YTHDF3: variants seen among roughly 807,000 people sequenced by gnomAD.
YTHDF3 encodes YTH domain-containing family protein 3.
A neutral mutation model predicts 52.5 loss-of-function variants in YTHDF3; 9 were observed. The observed-to-expected ratio is 0.17, with a 90% CI of 0.10 to 0.30. YTHDF3 has a LOEUF of 0.30. Among genes scored for constraint, YTHDF3 ranks in the 10% least tolerant of loss-of-function variants. The pLI is 1.00. For missense variants in YTHDF3, 534 were observed against 715.0 expected (o/e 0.75, Z 2.89); for synonymous variants, 274 against 243.3 (o/e 1.13, Z -1.18).
chr8:63,193,216 A>G (rs930556779), intron 4 of YTHDF3, among the ~76,000 whole-genome samples: 2 of 151,934 alleles, frequency 1.3e-5, no homozygotes, highest in African/African-American at 2.4e-5. Flanking sequence ...TGTCTCTACT[A>G]AAAATACAAA....
At chr8:63,171,245 T>C (rs1807302969) in intron 2 of YTHDF3, among the ~76,000 whole-genome samples, 1 of 152,116 alleles carries the variant, frequency 6.6e-6, no homozygotes, top group Non-Finnish European at 1.5e-5. Flanking sequence ...TGAAAACATT[T>C]TACCTGTCTG....
At chr8:63,181,689 A>G (rs1287838407) in intron 3 of YTHDF3, among the ~76,000 whole-genome samples, 1 of 152,170 alleles carries the variant, frequency 6.6e-6, no homozygotes, top group Non-Finnish European at 1.5e-5. Context: ...CTATCACATT[A>G]TAGGGTAAAT....
chr8:63,175,437 A>C, intron 3 of YTHDF3, 21 bp downstream of exon 3: 1 of 1,576,718 alleles, frequency 6.3e-7, no homozygotes, highest in Non-Finnish European at 8.7e-7. Flanking sequence ...TGACAGTTTC[A>C]GATTTTAGGA....
intron 4 of YTHDF3, among the ~76,000 whole-genome samples, chr8:63,192,965 T>A (rs1462943778): frequency 6.6e-6 from 1 of 152,066 alleles, no homozygotes; most frequent in Non-Finnish European, 1.5e-5. Flanking sequence ...CTTGGAAACC[T>A]TGGGTAAAGG....
At chr8:63,173,602 A>C (rs1171334184) in intron 2 of YTHDF3, 11 of 975,846 alleles carry the variant, frequency 1.1e-5, no homozygotes, top group Non-Finnish European at 1.2e-5. Context: ...AATAGTGAAG[A>C]ATTTTTTTTC....
At chr8:63,192,807 T>C (rs1488854593) in intron 4 of YTHDF3, among the ~76,000 whole-genome samples, 1 of 149,962 alleles carries the variant, frequency 6.7e-6, no homozygotes, top group Non-Finnish European at 1.5e-5. Context: ...TTTTCTTTAC[T>C]ACTTATGCCT....
Position 63,187,211 on chromosome 8 carries a change from C to T in YTHDF3, c.1200C>T (p.Ala400=). ...ATCCCGTGCTGGAAAAGCTAAAGGC[C>T]ATAAACAACTATAATCCCAAAGACT... is the stretch of plus-strand genomic sequence containing the variant. ...EVHPVLEKLK[A]INNYNPKDFD... Residue 400 remains alanine (A), a synonymous_variant, in exon 4 of 5, where the codon GCC becomes GCT. Transcript: ENST00000539294. 1 of 1,613,970 alleles carries T rather than the reference C, an allele frequency of 6.2e-7. No homozygotes were observed.
At chr8:63,198,943 A>T (rs1173859446) in intron 4 of YTHDF3, among the ~76,000 whole-genome samples, 1 of 152,212 alleles carries the variant, frequency 6.6e-6, no homozygotes, top group Non-Finnish European at 1.5e-5. Context: ...TTGATACAAT[A>T]AACTTTTATG....
At chr8:63,209,017 G>A (rs539224159) in intron 4 of YTHDF3, among the ~76,000 whole-genome samples, 4 of 151,998 alleles carry the variant, frequency 2.6e-5, no homozygotes, top group Non-Finnish European at 4.4e-5. Context: ...ACAGGCACCC[G>A]CCACCACGCC....
chr8:63,194,528 G>A (rs762912618), intron 4 of YTHDF3, among the ~76,000 whole-genome samples: 3 of 152,012 alleles, frequency 2.0e-5, no homozygotes, highest in Non-Finnish European at 2.9e-5. Flanking sequence ...AATTTTGGGG[G>A]GAATAAGAAT....
At chr8:63,175,900 C>T (rs747332775) in intron 3 of YTHDF3, among the ~76,000 whole-genome samples, 2 of 152,122 alleles carry the variant, frequency 1.3e-5, no homozygotes, top group Non-Finnish European at 2.9e-5. Flanking sequence ...AAAATTTTAA[C>T]ATACCTTGGT....
At chr8:63,192,148 T>C (rs943673754) in intron 4 of YTHDF3, among the ~76,000 whole-genome samples, 2 of 152,210 alleles carry the variant, frequency 1.3e-5, no homozygotes, top group Non-Finnish European at 2.9e-5. Context: ...TGTTTTTCCA[T>C]GCTTCCCCCA....
rs761751224 is a variant in YTHDF3, at chr8:63,186,153, A to G, written c.142A>G (p.Ser48Gly). 36 of 1,605,786 alleles carry G rather than the reference A, an allele frequency of 2.2e-5. No homozygotes were observed. Among genetic ancestry groups the G allele is most frequent in the African/African-American group, 4.0e-5 (3 of 74,816 alleles). Residue 48 changes from serine (S) to glycine (G), a missense_variant, in exon 4 of 5, where the codon AGC (serine) becomes GGC (glycine). Ser to Gly is a moderately conservative substitution (Grantham distance 56, BLOSUM62 0). Around this residue, in one of 3 missense-constraint regions of YTHDF3, gnomAD observed 196 missense variants for 299.5 expected, o/e 0.65. Coordinates refer to ENST00000539294, the MANE Select transcript of YTHDF3 (RefSeq NM_152758.6). ...YLSSQTNQSNSYPPMSDPYMP... is the reference protein window; with the variant it reads ...YLSSQTNQSNGYPPMSDPYMP... Reference sequence around the variant, plus strand: ...GTGATATTTTGTTTTGCAGAGTAACAGCTATCCACCAATGTCAGATCCATA... The same window carrying G: ...GTGATATTTTGTTTTGCAGAGTAACGGCTATCCACCAATGTCAGATCCATA...
rs1022851404 is a variant in YTHDF3 at position 63,206,298 on chromosome 8, G to A, written c.1735-3385G>A. 2.0e-5 allele frequency among the ~76,000 whole-genome samples: 3 copies of A among 152,122 alleles called. No individual in the cohort carries two copies. The East Asian group carries it at 5.8e-4, about 29-fold the overall frequency. ...GGCTGGTCTTGAACCCCCGACCTCA[G>A]GTGATCCGCCTGCCTCAGCCTCCCA... On this transcript the variant is annotated intron_variant, in intron 4 of 4. Coordinates refer to ENST00000539294, the MANE Select transcript of YTHDF3 (RefSeq NM_152758.6).
chr8:63,181,859 T>TA (rs1808160829), intron 3 of YTHDF3, among the ~76,000 whole-genome samples: 1 of 152,224 alleles, frequency 6.6e-6, no homozygotes, highest in Non-Finnish European at 1.5e-5. Context: ...AATGAAGAAT[T>TA]ACGGTTGGTG....
At chr8:63,195,044 C>T (rs902977183) in intron 4 of YTHDF3, among the ~76,000 whole-genome samples, 3 of 152,180 alleles carry the variant, frequency 2.0e-5, no homozygotes, top group Admixed American at 2.0e-4. Context: ...AGGAGTTCCT[C>T]GGCTTGCCTT....
chr8:63,194,608 TCTTTTGA>T (rs1809120212), intron 4 of YTHDF3, among the ~76,000 whole-genome samples: 1 of 152,248 alleles, frequency 6.6e-6, no homozygotes, highest in African/African-American at 2.4e-5. Context: ...GCTTTATGGT[TCTTTTGA>T]ACCACTTGAG....
At chr8:63,172,398 A>G (rs1257629100) in intron 2 of YTHDF3, among the ~76,000 whole-genome samples, 1 of 152,200 alleles carries the variant, frequency 6.6e-6, no homozygotes, top group Non-Finnish European at 1.5e-5. Flanking sequence ...GCTCTCTTCC[A>G]ACGGAGAGAC....
intron 2 of YTHDF3, 93 bp from the exon 3 acceptor site, chr8:63,175,238 C>CT (rs1434983180): frequency 5.5e-6 from 5 of 908,716 alleles, no homozygotes; most frequent in Non-Finnish European, 8.3e-6. Context: ...TTTCTGATTA[C>CT]TTTTTTTGGC....
Sources: gnomAD v4.1 joint callset for allele counts (sites outside exome capture counted in the v4.1 genomes callset) on GRCh38, gnomAD v4.1.1 for gene constraint, gnomAD v4.1.1 regional missense constraint, MANE v1.5 for transcripts, NCBI Gene and HGNC (gene_info 2026-07-23, HGNC 2026-07-21) for gene names.